Variants in SENP7 observed in about 807,000 individuals in gnomAD.
SENP7 encodes sentrin-specific protease 7.
A neutral mutation model predicts 141.2 loss-of-function variants in SENP7; 64 were observed. The ratio of observed to expected loss-of-function variants is 0.45; its 90% CI spans 0.37 to 0.56. The LOEUF (loss-of-function observed/expected upper bound fraction) is 0.56. Among genes scored for constraint, SENP7 ranks in the 20% least tolerant of loss-of-function variants. SENP7 has a pLI of 0.00. For synonymous variants in SENP7, 382 were observed against 426.4 expected, an observed-to-expected ratio of 0.90 and a Z score of 1.28; for missense variants, 1,025 against 1,212.2, an observed-to-expected ratio of 0.85 and a Z score of 2.29.
intron 17 of SENP7, 187 bp from the exon 18 acceptor site, chr3:101,333,049 A>T (rs2059096107): frequency 1.8e-6 from 1 of 548,538 alleles, no homozygotes; most frequent in Non-Finnish European, 3.0e-6. Context: ...AAATTTAATA[A>T]CTATAAACAA....
Position 101,364,705 on chromosome 3 carries a change from T to C in SENP7, c.1476+129A>G, listed in dbSNP as rs1486617854. The C allele has an allele frequency of 6.7e-6, 4 of 593,800 alleles. No homozygotes were observed. The African/African-American group carries it at 7.9e-5, about 12-fold the overall frequency. 36.8% of individuals were successfully genotyped at this position (593,800 alleles called of 1,614,324 possible). On this transcript the variant is annotated intron_variant, in intron 10 of 23. Transcript: ENST00000394095. ...ATTTCACTCAAACTACTATAAAAGTTGTCTGAAAATTCAAACTAAGAAAAT... is the reference window on the plus strand; with the variant it reads ...ATTTCACTCAAACTACTATAAAAGTCGTCTGAAAATTCAAACTAAGAAAAT...
chr3:101,492,878 G>A (rs1375639520), intron 3 of SENP7, among the ~76,000 whole-genome samples: 2 of 152,072 alleles, frequency 1.3e-5, no homozygotes, highest in African/African-American at 4.8e-5. Context: ...TGTATTCCCA[G>A]CTACTCAGGA....
intron 3 of SENP7, among the ~76,000 whole-genome samples, chr3:101,464,929 G>A (rs1363912904): frequency 6.6e-6 from 1 of 152,118 alleles, no homozygotes; most frequent in Non-Finnish European, 1.5e-5. Context: ...AGATGCTTAT[G>A]TAAATTTAAT....
At chr3:101,332,225 C>A in intron 18 of SENP7, 116 bp from the exon 19 acceptor site, 1 of 984,070 alleles carries the variant, frequency 1.0e-6, no homozygotes, top group Non-Finnish European at 1.5e-6. Flanking sequence ...TGAAGACATC[C>A]ACTGTAACAT....
At chr3:101,352,918 G>A (rs1163485221) in intron 11 of SENP7, among the ~76,000 whole-genome samples, 1 of 151,870 alleles carries the variant, frequency 6.6e-6, no homozygotes. Context: ...CAAATGTGAG[G>A]CAATAGATCA....
intron 11 of SENP7, chr3:101,358,521 G>C (rs531515140): frequency 9.1e-5 from 24 of 264,840 alleles, no homozygotes; most frequent in Non-Finnish European, 1.7e-4. Context: ...TATAAAGAAT[G>C]TGACAAAGCT....
chr3:101,357,841 G>A (rs531459968), intron 11 of SENP7: 40 of 564,742 alleles, frequency 7.1e-5, no homozygotes, highest in East Asian at 3.2e-4. Context: ...GGAGAGAAAC[G>A]CTACAGATGT....
Position 101,453,105 on chromosome 3 carries a change from A to T in SENP7, c.284+5850T>A, listed in dbSNP as rs1288394941. ...GAAGACATTTATGCAGCCAAAAGAC[A>T]CATGAAAAAATGCTCATCATCAATG... On this transcript the variant is annotated intron_variant, in intron 4 of 23. Transcript: ENST00000394095. 5.9e-5 allele frequency among the ~76,000 whole-genome samples: 9 copies of T among 152,354 alleles called. No individual in the cohort carries two copies. The South Asian group carries it at 1.9e-3, about 32-fold the overall frequency.
At chr3:101,345,780 A>G (rs968685526) in intron 13 of SENP7, among the ~76,000 whole-genome samples, 4 of 152,222 alleles carry the variant, frequency 2.6e-5, no homozygotes, top group Non-Finnish European at 5.9e-5. Flanking sequence ...AAATGGATCA[A>G]AGACTTAAAT....
chr3:101,388,933 AAC>A (rs1254360955), intron 6 of SENP7, among the ~76,000 whole-genome samples: 1 of 152,072 alleles, frequency 6.6e-6, no homozygotes, highest in Non-Finnish European at 1.5e-5. Flanking sequence ...CTTCTGAAAA[AAC>A]AGACACATAA....
rs766648758 is a variant in SENP7 at position 101,363,473 on chromosome 3, T to C, written c.1476+1361A>G. Among the ~76,000 whole-genome samples the C allele has an allele frequency of 6.6e-4, 100 of 151,528 alleles. 1 individual carries two copies. Among genetic ancestry groups the C allele is most frequent in the Non-Finnish European group, 1.3e-3 (88 of 67,752 alleles). ...GATCTCCACAGTATTGGCTGCTTGG[T>C]TGTGATTATGAATGTAGTAAATTCC... On this transcript the variant is annotated intron_variant, in intron 10 of 23. Coordinates refer to ENST00000394095, the MANE Select transcript of SENP7 (RefSeq NM_020654.5).
chr3:101,364,069 T>A (rs764086979), intron 10 of SENP7, among the ~76,000 whole-genome samples: 2 of 151,854 alleles, frequency 1.3e-5, no homozygotes, highest in African/African-American at 2.4e-5. Context: ...TAGTATATAT[T>A]TTAAAAACAT....
chr3:101,366,808 A>G, intron 8 of SENP7, 39 bp from the exon 9 acceptor site: 1 of 1,408,052 alleles, frequency 7.1e-7, no homozygotes, highest in South Asian at 1.4e-5. Context: ...CATTTTTCAA[A>G]TTTGGCTTGC....
chr3:101,448,754 G>GA (rs1325981133), intron 4 of SENP7, among the ~76,000 whole-genome samples: 2 of 152,126 alleles, frequency 1.3e-5, no homozygotes, highest in Admixed American at 6.5e-5. Context: ...ACCAAAGGTA[G>GA]AAAAAACCAC....
chr3:101,378,850 T>A (rs1361322694), intron 6 of SENP7, among the ~76,000 whole-genome samples: 1 of 152,096 alleles, frequency 6.6e-6, no homozygotes, highest in Non-Finnish European at 1.5e-5. Flanking sequence ...ACAAGAATTG[T>A]ATCTCATTTC....
intron 1 of SENP7, among the ~76,000 whole-genome samples, chr3:101,512,135 G>C (rs1382751289): frequency 6.6e-6 from 1 of 152,150 alleles, no homozygotes; most frequent in Non-Finnish European, 1.5e-5. Flanking sequence ...ATCTGTAATT[G>C]TTAACTGTCT....
rs1454983835 is a variant in SENP7 at position 101,327,651 on chromosome 3, T to A, written c.3015+15A>T. 1 of 1,581,672 alleles carries A rather than the reference T, an allele frequency of 6.3e-7. No homozygotes were observed. Among genetic ancestry groups the A allele is most frequent in the East Asian group, 2.3e-5 (1 of 43,598 alleles). ...GGTAACTGTGAATTAAAAACTTATT[T>A]ATAGCTTCACATACCTTGAAGAAGC... On this transcript the variant is annotated intron_variant, in intron 23 of 23. Transcript: ENST00000394095.
At chr3:101,453,749 G>A (rs2063245085) in intron 4 of SENP7, among the ~76,000 whole-genome samples, 1 of 152,100 alleles carries the variant, frequency 6.6e-6, no homozygotes, top group South Asian at 2.1e-4. Flanking sequence ...ATAGCATTAG[G>A]AGATATACCT....
At chr3:101,445,743 C>CAA (rs1223376188) in intron 4 of SENP7, among the ~76,000 whole-genome samples, 1 of 152,138 alleles carries the variant, frequency 6.6e-6, no homozygotes, top group African/African-American at 2.4e-5. Context: ...TAGCTATACA[C>CAA]ACTTATGTCA....
Sources: gnomAD v4.1 joint callset for allele counts (sites outside exome capture counted in the v4.1 genomes callset) on GRCh38, gnomAD v4.1.1 for gene constraint, MANE v1.5 for transcripts, NCBI Gene and HGNC (gene_info 2026-07-23, HGNC 2026-07-21) for gene names.